DOCK8: variants seen among roughly 807,000 people sequenced by gnomAD.
The protein encoded by DOCK8 is dedicator of cytokinesis 8.
A neutral mutation model predicts 245.6 loss-of-function variants in DOCK8; 141 were observed. The ratio of observed to expected loss-of-function variants is 0.57; its 90% CI spans 0.50 to 0.66. The LOEUF (loss-of-function observed/expected upper bound fraction) is 0.66. Ranked by LOEUF, DOCK8 falls within the 30% of genes least tolerant of loss-of-function variation. DOCK8 has a pLI of 0.00. For synonymous variants in DOCK8, 1,168 were observed against 970.2 expected (o/e 1.20, Z -3.79); for missense variants, 2,965 against 2,603.4 (o/e 1.14, Z -3.02).
intron 4 of DOCK8, among the ~76,000 whole-genome samples, chr9:302,983 GAAAAAA>G (rs548195780): frequency 3.5e-5 from 5 of 141,592 alleles, no homozygotes; most frequent in African/African-American, 1.3e-4. Context: ...AAAATAAATG[GAAAAAA>G]AAAAAGAAAA....
At chr9:266,261 T>G (rs2048032843) in intron 1 of DOCK8, among the ~76,000 whole-genome samples, 1 of 152,112 alleles carries the variant, frequency 6.6e-6, no homozygotes, top group African/African-American at 2.4e-5. Flanking sequence ...CATATTATAT[T>G]GTAAGTATTA....
At chr9:379,733 C>G (rs868238568) in intron 20 of DOCK8, 38 bp from the exon 21 acceptor site, 40 of 1,612,624 alleles carry the variant, frequency 2.5e-5, no homozygotes, top group Non-Finnish European at 3.3e-5. Context: ...CCTTAAGGAC[C>G]AGCTGTGGGA....
intron 1 of DOCK8, among the ~76,000 whole-genome samples, chr9:239,471 G>A (rs1030860895): frequency 1.3e-5 from 2 of 152,260 alleles, no homozygotes; most frequent in Admixed American, 1.3e-4. Context: ...AGGTATACTT[G>A]TATGAGAGAT....
chr9:371,640 CA>C, intron 17 of DOCK8, 74 bp downstream of exon 17: 2 of 1,588,588 alleles, frequency 1.3e-6, no homozygotes, highest in Non-Finnish European at 1.7e-6. Flanking sequence ...GATAAACAAC[CA>C]AATTCTATTC....
At position 304,276 on chromosome 9, in the gene DOCK8, G is replaced by C. The variant is rs17721320; in HGVS notation, c.405-305G>C. ...TCCAGCCACTTACACTAGGGTCATA[G>C]TTTAGCTTCAGCTCGGAGCCAAATG... On this transcript the variant is annotated intron_variant, in intron 4 of 47. Coordinates refer to ENST00000432829, the MANE Select transcript of DOCK8 (RefSeq NM_203447.4). Among the ~76,000 whole-genome samples the C allele has an allele frequency of 0.13, 19,424 of 152,154 alleles. 1,444 individuals carry two copies. The highest frequency in any genetic ancestry group is 0.17 in the Admixed American group (2,551 of 15,294).
chr9:292,453 G>C (rs2049086634), intron 4 of DOCK8, among the ~76,000 whole-genome samples: 1 of 136,760 alleles, frequency 7.3e-6, no homozygotes, highest in African/African-American at 2.7e-5. Context: ...AAGAATATTA[G>C]ATGTTATAAT....
At chr9:400,286 TCACCACCAC>T in intron 26 of DOCK8, among the ~76,000 whole-genome samples, 1 of 7,816 alleles carries the variant, frequency 1.3e-4, no homozygotes, top group Non-Finnish European at 2.0e-4. Flanking sequence ...ACCACTTCCT[TCACCACCAC>T]CACCATCTTC....
intron 45 of DOCK8, 82 bp from the exon 46 acceptor site, chr9:451,929 A>C: frequency 3.2e-6 from 1 of 316,740 alleles, no homozygotes; most frequent in Non-Finnish European, 5.4e-6. Context: ...ATATATATGT[A>C]TGTGTATATA....
chr9:405,008 C>T lies in DOCK8; in HGVS notation c.3325C>T (p.Leu1109=). ...ILCSHEHYLN[L]NLFFMNADTA... ...CTGTAGCCATGAGCATTACCTCAAT[C>T]TGAACCTTTTTTTTATGAATGCTGA... Residue 1109 remains leucine (L), a synonymous_variant, in exon 27 of 48, where the codon CTG becomes TTG. Transcript: ENST00000432829. The T allele has an allele frequency of 6.2e-7, 1 of 1,614,048 alleles. No homozygotes were observed. Among genetic ancestry groups the T allele is most frequent in the South Asian group, 1.1e-5 (1 of 91,086 alleles).
At chr9:226,145 G>T (rs1475435172) in intron 1 of DOCK8, among the ~76,000 whole-genome samples, 2 of 152,182 alleles carry the variant, frequency 1.3e-5, no homozygotes, top group East Asian at 3.8e-4. Context: ...ACATGGCTGG[G>T]GAGGCCTCAC....
At chr9:387,298 C>G (rs1388634877) in intron 23 of DOCK8, among the ~76,000 whole-genome samples, 4 of 152,038 alleles carry the variant, frequency 2.6e-5, no homozygotes, top group Non-Finnish European at 5.9e-5. Flanking sequence ...CAAAAACTAG[C>G]CGGGCATGAT....
chr9:390,439 T>C (rs982319828), intron 23 of DOCK8, 32 bp from the exon 24 acceptor site: 100 of 1,594,072 alleles, frequency 6.3e-5, no homozygotes, highest in Non-Finnish European at 8.3e-5. Context: ...TAGCCTTTGT[T>C]TCACAGCCTA....
intron 11 of DOCK8, 22 bp from the exon 12 acceptor site, chr9:336,560 G>A (rs530443472): frequency 6.2e-7 from 1 of 1,613,974 alleles, no homozygotes; most frequent in Non-Finnish European, 8.5e-7. Flanking sequence ...ATACTTTGGA[G>A]TGACAATTGT....
chr9:400,310 TCACCACCACCTCCAC>T (rs2054825215), intron 26 of DOCK8, among the ~76,000 whole-genome samples: 6 of 13,814 alleles, frequency 4.3e-4, no homozygotes, highest in South Asian at 4.8e-3. Flanking sequence ...ATCTTCACCG[TCACCACCACCTCCAC>T]CACCACCACC....
intron 1 of DOCK8, among the ~76,000 whole-genome samples, chr9:233,449 C>G (rs1210123049): frequency 7.2e-5 from 11 of 152,082 alleles, no homozygotes; most frequent in Admixed American, 2.6e-4. Flanking sequence ...TCCTCGGTAT[C>G]CTTGTTGACT....
chr9:334,277 G>T lies in DOCK8; in HGVS notation c.1178G>T (p.Arg393Leu). The T allele has an allele frequency of 2.5e-6, 4 of 1,614,204 alleles. No individual in the cohort carries two copies. The highest frequency in any genetic ancestry group is 3.4e-6 in the Non-Finnish European group (4 of 1,180,024). Reference sequence around the variant, plus strand: ...CTCCAAGCTGAATCCTTCTGCCAGCGTTTGGGGAAATACCGGATGCCCTTT... The same window carrying T: ...CTCCAAGCTGAATCCTTCTGCCAGCTTTTGGGGAAATACCGGATGCCCTTT... Reference protein sequence around the residue: ...LKLQAESFCQRLGKYRMPFAW... With the variant: ...LKLQAESFCQLLGKYRMPFAW... The change falls in exon 11 of 48, where the codon CGT (arginine) becomes CTT (leucine). Residue 393 changes from arginine (R) to leucine (L), a missense_variant. This residue lies in a region of DOCK8 where 2,825 missense variants were observed against 2,453.5 expected (regional missense o/e 1.15). Coordinates refer to ENST00000432829, the MANE Select transcript of DOCK8 (RefSeq NM_203447.4).
upstream of DOCK8, chr9:214,758 G>A (rs1235682695): frequency 1.3e-6 from 2 of 1,530,820 alleles, no homozygotes; most frequent in South Asian, 1.2e-5. Flanking sequence ...CGCTGCCTGC[G>A]CGCCAGGCCG....
At chr9:237,152 C>T (rs1421351111) in intron 1 of DOCK8, among the ~76,000 whole-genome samples, 3 of 152,234 alleles carry the variant, frequency 2.0e-5, no homozygotes, top group African/African-American at 7.2e-5. Flanking sequence ...ACAATGTAGA[C>T]CTACTGTGGT....
chr9:359,185 A>G (rs988052433), intron 14 of DOCK8, among the ~76,000 whole-genome samples: 4 of 152,192 alleles, frequency 2.6e-5, no homozygotes, highest in Non-Finnish European at 5.9e-5. Context: ...GAAAAACCTC[A>G]TAGTTTATTT....
Sources: gnomAD v4.1 joint callset for allele counts (sites outside exome capture counted in the v4.1 genomes callset) on GRCh38, gnomAD v4.1.1 for gene constraint, gnomAD v4.1.1 regional missense constraint, MANE v1.5 for transcripts, NCBI Gene and HGNC (gene_info 2026-07-23, HGNC 2026-07-21) for gene names.